Variants in PTPDC1 observed in about 807,000 individuals in gnomAD.
PTPDC1 encodes the protein protein tyrosine phosphatase domain-containing protein 1.
Under a neutral mutation model 75.3 loss-of-function variants are expected in PTPDC1, and 53 were observed. The ratio of observed to expected loss-of-function variants is 0.70; its 90% CI spans 0.56 to 0.88. The LOEUF (loss-of-function observed/expected upper bound fraction) is 0.88. Among genes scored for constraint, PTPDC1 ranks in the 40% least tolerant of loss-of-function variants. The pLI is 0.00. For missense variants in PTPDC1, 925 were observed against 998.6 expected (o/e 0.93, Z 0.99); for synonymous variants, 349 against 366.2 (o/e 0.95, Z 0.54).
In PTPDC1 at chr9:94,071,085, C is replaced by T. The variant is rs575690859; in HGVS notation, c.82+6264C>T. Among the ~76,000 whole-genome samples the T allele has an allele frequency of 1.9e-3, 288 of 152,206 alleles. 4 individuals carry two copies. The highest frequency in any genetic ancestry group is 6.6e-3 in the African/African-American group (273 of 41,522). On this transcript the variant is annotated intron_variant, in intron 2 of 9. Coordinates refer to the PTPDC1 transcript ENST00000375360. ...TTGCATGTTTGACTTTATATGAAAC[C>T]GCCAAACTGTTTTCCAGAGTAGTTG...
In PTPDC1 at chr9:94,108,087, C is replaced by T. The variant is rs992203734; in HGVS notation, c.*143C>T. On this transcript the variant is annotated 3_prime_UTR_variant, in exon 9 of 9. Transcript: ENST00000620992. Reference sequence around the variant, plus strand: ...TTAGTTTGTGCTGAGAATGGTCGTCCGTATTTGAACCAATTATTTATTTTA... The same window carrying T: ...TTAGTTTGTGCTGAGAATGGTCGTCTGTATTTGAACCAATTATTTATTTTA... 3 of 420,724 alleles carry T rather than the reference C, an allele frequency of 7.1e-6. No homozygotes were observed. The highest frequency in any genetic ancestry group is 1.3e-5 in the Non-Finnish European group (3 of 233,892). The allele number at this position is 420,724 out of a possible 1,614,324, so 26.1% of individuals were successfully genotyped here.
At chr9:94,094,733 C>G (rs879250433) in intron 4 of PTPDC1, among the ~76,000 whole-genome samples, 1 of 152,214 alleles carries the variant, frequency 6.6e-6, no homozygotes, top group Admixed American at 6.5e-5. Flanking sequence ...AGCGAGACTC[C>G]GTGGGCGTAG....
rs1680397673 is a variant in PTPDC1, at chr9:94,098,305, A to G, written c.1739A>G (p.Gln580Arg). 1 of 1,614,232 alleles carries G rather than the reference A, an allele frequency of 6.2e-7. No individual in the cohort carries two copies. The highest frequency in any genetic ancestry group is 1.1e-5 in the South Asian group (1 of 91,086). ...NPAHQQVSHC[Q>R]CKTHGVGSPG... is the part of the protein sequence containing the mutation. Reference sequence around the variant, plus strand: ...GCTCACCAGCAAGTGTCTCACTGTCAGTGTAAAACTCATGGTGTTGGGAGC... The same window carrying G: ...GCTCACCAGCAAGTGTCTCACTGTCGGTGTAAAACTCATGGTGTTGGGAGC... Residue 580 changes from glutamine (Q) to arginine (R), a missense_variant, in exon 6 of 9, where the codon CAG becomes CGG. Physicochemically the swap from Gln to Arg is conservative, Grantham distance 43. Coordinates refer to ENST00000620992, the MANE Select transcript of PTPDC1 (RefSeq NM_001253829.2).
chr9:94,037,763 C>T (rs766604954), intron 1 of PTPDC1, among the ~76,000 whole-genome samples: 3 of 152,038 alleles, frequency 2.0e-5, no homozygotes, highest in Non-Finnish European at 2.9e-5. Context: ...ATTCCCGTCC[C>T]GTAATCCCAG....
At chr9:94,093,913 G>A (rs1363149725) in intron 4 of PTPDC1, among the ~76,000 whole-genome samples, 2 of 150,374 alleles carry the variant, frequency 1.3e-5, no homozygotes, top group East Asian at 1.9e-4. Context: ...CGTAGTTCTC[G>A]AGCCTTGGTT....
At position 94,069,217 on chromosome 9, in the gene PTPDC1, T is replaced by A. The variant is rs186236197; in HGVS notation, c.82+4396T>A. Among the ~76,000 whole-genome samples the A allele has an allele frequency of 1.3e-3, 198 of 152,318 alleles. 1 individual carries two copies. The highest frequency in any genetic ancestry group is 4.1e-3 in the Admixed American group (63 of 15,298). ...AAATATGTGTTCATACATATACATA[T>A]GTACCTGTCCATTTTTACGGGTACA... is the stretch of plus-strand genomic sequence containing the variant. On this transcript the variant is annotated intron_variant, in intron 2 of 9. Coordinates refer to the PTPDC1 transcript ENST00000375360.
intron 1 of PTPDC1, among the ~76,000 whole-genome samples, chr9:94,057,190 C>T (rs1235891249): frequency 6.6e-6 from 1 of 152,210 alleles, no homozygotes; most frequent in East Asian, 1.9e-4. Flanking sequence ...GTAATCCTCC[C>T]ACCTCAGCCT....
At chr9:94,034,646 T>C (rs1158831513) in intron 1 of PTPDC1, among the ~76,000 whole-genome samples, 1 of 152,242 alleles carries the variant, frequency 6.6e-6, no homozygotes, top group Non-Finnish European at 1.5e-5. Context: ...GGATGTAATT[T>C]ACATTTCTTC....
At position 94,097,801 on chromosome 9, in the gene PTPDC1, A is replaced by G. The variant is rs1263334201; in HGVS notation, c.1235A>G (p.Asn412Ser). The G allele has an allele frequency of 8.1e-6, 13 of 1,614,068 alleles. No individual in the cohort carries two copies. Among genetic ancestry groups the G allele is most frequent in the Non-Finnish European group, 1.0e-5 (12 of 1,180,046 alleles). Reference protein sequence around the residue: ...NPTAVAADFDNRGMIFSNEQQ... With the variant: ...NPTAVAADFDSRGMIFSNEQQ... The stretch of plus-strand genomic sequence containing the variant: ...ACTGCAGTGGCAGCAGATTTTGACA[A>G]TCGAGGCATGATTTTCTCCAATGAG... The change falls in exon 6 of 9, where the codon AAT (asparagine) becomes AGT (serine). Residue 412 changes from asparagine to serine, a missense_variant. Physicochemically the swap from Asn to Ser is conservative, Grantham distance 46 (BLOSUM62 1). Coordinates refer to ENST00000620992, the MANE Select transcript of PTPDC1 (RefSeq NM_001253829.2).
At chr9:94,062,146 T>A (rs1826162882) in intron 1 of PTPDC1, among the ~76,000 whole-genome samples, 2 of 152,154 alleles carry the variant, frequency 1.3e-5, no homozygotes, top group South Asian at 4.1e-4. Context: ...CTAGATACCC[T>A]AAATTCTCTC....
intron 7 of PTPDC1, 21 bp downstream of exon 7, chr9:94,101,772 G>GT: frequency 6.7e-7 from 1 of 1,501,832 alleles, no homozygotes; most frequent in African/African-American, 1.4e-5. Context: ...TGTAGGACCA[G>GT]TTAATGACTG....
intron 1 of PTPDC1, among the ~76,000 whole-genome samples, chr9:94,046,351 C>T (rs1825598956): frequency 6.6e-6 from 1 of 152,088 alleles, no homozygotes. Context: ...TCCATATGAA[C>T]TTTAGAGTAG....
In PTPDC1 at chr9:94,097,521, C is replaced by T; in HGVS notation, c.955C>T (p.Gln319Ter). The T allele has an allele frequency of 1.2e-6, 2 of 1,614,152 alleles. No homozygotes were observed. Among genetic ancestry groups the T allele is most frequent in the Non-Finnish European group, 1.7e-6 (2 of 1,180,028 alleles). ...CAAAGCACATGCTGTCACCTTACCTCAATATCTAATTCGCCAGCGTCATCT... is the reference window on the plus strand; with the variant it reads ...CAAAGCACATGCTGTCACCTTACCTTAATATCTAATTCGCCAGCGTCATCT... ...DPKAHAVTLP[Q>*]YLIRQRHLLH... The change falls in exon 6 of 9, where the codon CAA (glutamine) becomes TAA (stop). Residue 319 changes from glutamine to a stop codon, truncating the protein, a stop_gained. Coordinates refer to ENST00000620992, the MANE Select transcript of PTPDC1 (RefSeq NM_001253829.2). LOFTEE classifies it high-confidence loss of function.
chr9:94,089,151 C>T (rs1417205705), intron 4 of PTPDC1, among the ~76,000 whole-genome samples: 9 of 145,596 alleles, frequency 6.2e-5, no homozygotes, highest in African/African-American at 2.1e-4. Flanking sequence ...CATATGTATA[C>T]ATGTGCCATG....
chr9:94,060,588 AGGAAGCATGGCAGCATCGGCTTCTGG>A (rs1405249979), intron 1 of PTPDC1, among the ~76,000 whole-genome samples: 3 of 152,236 alleles, frequency 2.0e-5, no homozygotes, highest in Non-Finnish European at 4.4e-5. Context: ...GCAGGTGTAC[AGGAAGCATGGCAGCATCGGCTTCTGG>A]GGAAGCCTCA....
intron 2 of PTPDC1, among the ~76,000 whole-genome samples, chr9:94,069,669 C>T (rs551797515): frequency 1.6e-4 from 24 of 151,722 alleles, no homozygotes; most frequent in African/African-American, 3.9e-4. Context: ...TACAGGCACC[C>T]GCCACTGCGC....
intron 2 of PTPDC1, among the ~76,000 whole-genome samples, chr9:94,076,030 G>A (rs180730359): frequency 5.9e-5 from 9 of 152,048 alleles, no homozygotes; most frequent in East Asian, 1.9e-4. Flanking sequence ...ACGGAGTTTC[G>A]CTCTTGTTGC....
chr9:94,086,106 A>G (rs1827064970), intron 2 of PTPDC1, among the ~76,000 whole-genome samples: 1 of 152,236 alleles, frequency 6.6e-6, no homozygotes, highest in East Asian at 1.9e-4. Flanking sequence ...ATTATTTTAT[A>G]CATCAAGAAC....
At chr9:94,048,783 C>A (rs994172478) in intron 1 of PTPDC1, among the ~76,000 whole-genome samples, 1 of 152,146 alleles carries the variant, frequency 6.6e-6, no homozygotes, top group Non-Finnish European at 1.5e-5. Flanking sequence ...TATAGCTGAT[C>A]TGTCTAATGG....
Sources: gnomAD v4.1 joint callset for allele counts (sites outside exome capture counted in the v4.1 genomes callset) on GRCh38, gnomAD v4.1.1 for gene constraint, MANE v1.5 for transcripts, NCBI Gene and HGNC (gene_info 2026-07-23, HGNC 2026-07-21) for gene names.